Variants in SLC35D1 observed in about 807,000 individuals in gnomAD.
The protein encoded by SLC35D1 is solute carrier family 35 member D1.
In SLC35D1, 31 loss-of-function variants were observed where a neutral mutation model predicts 46.7. That is an observed-to-expected ratio of 0.66 (90% CI 0.50 to 0.90). The LOEUF (loss-of-function observed/expected upper bound fraction) is 0.90, where lower values mean the gene tolerates loss of function less well. Ranked by LOEUF, SLC35D1 falls within the 40% of genes least tolerant of loss-of-function variation. SLC35D1 has a pLI of 0.00. For synonymous variants in SLC35D1, 195 were observed against 164.6 expected (o/e 1.18, Z -1.41); for missense variants, 397 against 426.2 (o/e 0.93, Z 0.60).
intron 6 of SLC35D1, among the ~76,000 whole-genome samples, chr1:67,048,296 T>C (rs1319866649): frequency 6.6e-6 from 1 of 152,206 alleles, no homozygotes; most frequent in Non-Finnish European, 1.5e-5. Context: ...CAGTAATCCT[T>C]TTCAGAAGTT....
At chr1:67,020,892 G>C (rs557572496) in intron 9 of SLC35D1, among the ~76,000 whole-genome samples, 3 of 152,252 alleles carry the variant, frequency 2.0e-5, no homozygotes, top group South Asian at 2.1e-4. Context: ...AGGGGATACA[G>C]GTTCACTTAA....
chr1:67,053,305 C>CA (rs1553268831), intron 1 of SLC35D1, among the ~76,000 whole-genome samples: 1 of 150,046 alleles, frequency 6.7e-6, no homozygotes. Context: ...AAAAAAAAAA[C>CA]AACCAACTTC....
At chr1:66,974,015 TG>T in the SLC35D1 span, among the ~76,000 whole-genome samples, 1 of 152,126 alleles carries the variant, frequency 6.6e-6, no homozygotes, top group Non-Finnish European at 1.5e-5. Context: ...TAATATTTTT[TG>T]TTATTAATAA....
At chr1:67,053,779 C>G in intron 1 of SLC35D1, 32 bp downstream of exon 1, 1 of 1,523,262 alleles carries the variant, frequency 6.6e-7, no homozygotes, top group Non-Finnish European at 8.8e-7. Context: ...GCTCCTCCTC[C>G]GCGGCCTGGG....
chr1:66,975,163 A>G, the SLC35D1 span, among the ~76,000 whole-genome samples: 1 of 152,208 alleles, frequency 6.6e-6, no homozygotes, highest in Non-Finnish European at 1.5e-5. Context: ...TATTTACTTC[A>G]AGAGCAGAAA....
At chr1:67,021,361 C>T (rs1411184427) in intron 9 of SLC35D1, among the ~76,000 whole-genome samples, 174 bp downstream of exon 9, 2 of 152,092 alleles carry the variant, frequency 1.3e-5, no homozygotes, top group Non-Finnish European at 2.9e-5. Context: ...GGTATCAATT[C>T]AGTAGCCCTA....
chr1:66,985,512 CT>C, the SLC35D1 span: 1 of 984,010 alleles, frequency 1.0e-6, no homozygotes, highest in Non-Finnish European at 1.2e-6. Context: ...TCAATGATGT[CT>C]TTCCATATTC....
intron 10 of SLC35D1, among the ~76,000 whole-genome samples, chr1:67,013,157 G>GATATATATATATATATATATATATATAT (rs964691631): frequency 0.021 from 627 of 29,632 alleles, 44 homozygotes; most frequent in African/African-American, 0.098. Flanking sequence ...ATATCCTGGA[G>GATATATATATATATATATATATATATAT]ATATATATAT....
chr1:67,048,103 G>A (rs1645270223), intron 6 of SLC35D1, among the ~76,000 whole-genome samples: 1 of 152,216 alleles, frequency 6.6e-6, no homozygotes, highest in Non-Finnish European at 1.5e-5. Context: ...CAGAGATACT[G>A]TATAGGAGCC....
At chr1:67,021,483 C>T in intron 9 of SLC35D1, 52 bp downstream of exon 9, 1 of 1,585,306 alleles carries the variant, frequency 6.3e-7, no homozygotes, top group South Asian at 1.1e-5. Context: ...GCAAATTTCT[C>T]TAACCTATTT....
downstream of SLC35D1, among the ~76,000 whole-genome samples, chr1:66,998,720 T>C (rs894372823): frequency 1.3e-4 from 20 of 152,198 alleles, no homozygotes; most frequent in African/African-American, 4.6e-4. Flanking sequence ...CGTTATGCTA[T>C]GTGAAATAAG....
At chr1:67,029,059 G>C (rs1558158599) in intron 8 of SLC35D1, among the ~76,000 whole-genome samples, 1 of 152,140 alleles carries the variant, frequency 6.6e-6, no homozygotes, top group Non-Finnish European at 1.5e-5. Flanking sequence ...ATCATGGCTA[G>C]GAAATGAAAG....
chr1:67,053,791 C>G lies in SLC35D1; in HGVS notation c.203+20G>C, dbSNP rs368314123. 4 of 1,555,524 alleles carry G rather than the reference C, an allele frequency of 2.6e-6. No individual in the cohort carries two copies. The highest frequency in any genetic ancestry group is 2.6e-6 in the Non-Finnish European group (3 of 1,153,184). On this transcript the variant is annotated intron_variant, in intron 1 of 11. Transcript: ENST00000235345. ...CCCGCTCCTCCTCCGCGGCCTGGGCCGCCGCCGCCTCGGCCCTACCTGTAA... is the reference window on the plus strand; with the variant it reads ...CCCGCTCCTCCTCCGCGGCCTGGGCGGCCGCCGCCTCGGCCCTACCTGTAA...
At chr1:67,051,045 G>A (rs1429220649) in intron 4 of SLC35D1, among the ~76,000 whole-genome samples, 2 of 152,154 alleles carry the variant, frequency 1.3e-5, no homozygotes, top group African/African-American at 2.4e-5. Context: ...TCAAAGATAG[G>A]TGTGAATGAA....
intron 8 of SLC35D1, among the ~76,000 whole-genome samples, chr1:67,028,700 T>C (rs1667962498): frequency 1.3e-5 from 2 of 152,172 alleles, no homozygotes; most frequent in Non-Finnish European, 2.9e-5. Context: ...CTCCCACCCT[T>C]CATAGACTTC....
chr1:66,985,903 T>C, the SLC35D1 span: 16 of 976,828 alleles, frequency 1.6e-5, no homozygotes, highest in Non-Finnish European at 1.6e-5. Flanking sequence ...AGATTGCAGT[T>C]TGTTTTGCAT....
At chr1:66,978,263 C>G in the SLC35D1 span, among the ~76,000 whole-genome samples, 2 of 148,356 alleles carry the variant, frequency 1.3e-5, no homozygotes, top group African/African-American at 4.9e-5. Context: ...CTAAACTGCA[C>G]TGTTTCTTGA....
chr1:66,984,547 T>G, the SLC35D1 span: 2 of 1,511,038 alleles, frequency 1.3e-6, no homozygotes, highest in Non-Finnish European at 1.8e-6. Flanking sequence ...TAATTGTGGT[T>G]TCATTTATAT....
rs748737079 is a variant in SLC35D1 at position 67,054,059 on chromosome 1, G to C, written c.-46C>G. 47 of 1,594,056 alleles carry C rather than the reference G, an allele frequency of 2.9e-5. No homozygotes were observed. In the South Asian group the frequency reaches 5.0e-4, roughly 17 times the overall value. On this transcript the variant is annotated 5_prime_UTR_variant, in exon 1 of 12. Transcript: ENST00000235345. ...CCTGGCGGCGGGGCCTAGCGGCTCG[G>C]GGGCCTGCAGCGGCAGCTCCCAGGG...
Sources: gnomAD v4.1 joint callset for allele counts (sites outside exome capture counted in the v4.1 genomes callset) on GRCh38, gnomAD v4.1.1 for gene constraint, MANE v1.5 for transcripts, NCBI Gene and HGNC (gene_info 2026-07-23, HGNC 2026-07-21) for gene names.